The following ZCCHC17 variants were observed in gnomAD, a reference collection of about 807,000 sequenced individuals.
The protein encoded by ZCCHC17 is zinc finger CCHC domain-containing protein 17.
ZCCHC17 carries 18 observed loss-of-function variants against 30.6 expected under a neutral mutation model. The observed-to-expected ratio is 0.59, with a 90% CI of 0.41 to 0.87. The LOEUF (loss-of-function observed/expected upper bound fraction) is 0.87, where lower values mean the gene tolerates loss of function less well. Ranked by LOEUF, ZCCHC17 falls within the 40% of genes least tolerant of loss-of-function variation. The pLI is 0.00. For missense variants in ZCCHC17, 263 were observed against 284.2 expected, an observed-to-expected ratio of 0.93 and a Z score of 0.54; for synonymous variants, 88 against 92.4, an observed-to-expected ratio of 0.95 and a Z score of 0.27.
chr1:31,327,181 C>G (rs1168087945), intron 3 of ZCCHC17, among the ~76,000 whole-genome samples: 1 of 152,192 alleles, frequency 6.6e-6, no homozygotes, highest in Non-Finnish European at 1.5e-5. Context: ...CTCTGGACAC[C>G]AACTGGGTGT....
chr1:31,346,165 A>G (rs1385837067), intron 5 of ZCCHC17, among the ~76,000 whole-genome samples: 1 of 152,138 alleles, frequency 6.6e-6, no homozygotes, highest in African/African-American at 2.4e-5. Context: ...CATTTCAGAG[A>G]GGGGGAGAAC....
chr1:31,355,132 G>A (rs1007124803), intron 7 of ZCCHC17, among the ~76,000 whole-genome samples: 5 of 149,774 alleles, frequency 3.3e-5, no homozygotes, highest in Admixed American at 6.7e-5. Context: ...CCGAGATTGC[G>A]CCACTGCACT....
intron 3 of ZCCHC17, among the ~76,000 whole-genome samples, chr1:31,328,412 C>T (rs1638444036): frequency 6.6e-6 from 1 of 151,794 alleles, no homozygotes; most frequent in African/African-American, 2.4e-5. Flanking sequence ...CTTGAGGGGG[C>T]TGAGGGGGTT....
At chr1:31,353,130 GA>G (rs1190298363) in intron 7 of ZCCHC17, among the ~76,000 whole-genome samples, 1 of 152,086 alleles carries the variant, frequency 6.6e-6, no homozygotes, top group African/African-American at 2.4e-5. Context: ...TAGTGATATT[GA>G]ATATCTTTTC....
intron 7 of ZCCHC17, among the ~76,000 whole-genome samples, chr1:31,352,793 G>T (rs185578923): frequency 7.7e-4 from 117 of 152,302 alleles, no homozygotes; most frequent in African/African-American, 2.7e-3. Flanking sequence ...TATTTTTGGT[G>T]AACACTTGGG....
chr1:31,342,977 A>G (rs557116712), intron 5 of ZCCHC17, among the ~76,000 whole-genome samples: 1 of 152,346 alleles, frequency 6.6e-6, no homozygotes, highest in Non-Finnish European at 1.5e-5. Context: ...TTGTTTAAGG[A>G]AAGAAGAGGA....
chr1:31,306,947 C>T (rs376613770), intron 1 of ZCCHC17, among the ~76,000 whole-genome samples: 1 of 152,166 alleles, frequency 6.6e-6, no homozygotes, highest in Non-Finnish European at 1.5e-5. Context: ...AAGCAATTCT[C>T]CTGCCTCAGC....
chr1:31,313,775 A>G (rs1300065524), intron 2 of ZCCHC17, among the ~76,000 whole-genome samples: 1 of 152,162 alleles, frequency 6.6e-6, no homozygotes, highest in Non-Finnish European at 1.5e-5. Flanking sequence ...AAAGAAAGGG[A>G]AGAACACTCT....
chr1:31,320,299 C>G (rs1054483503), intron 3 of ZCCHC17, among the ~76,000 whole-genome samples: 1 of 152,196 alleles, frequency 6.6e-6, no homozygotes, highest in African/African-American at 2.4e-5. Context: ...ATTTATATAA[C>G]ATTCTTATGT....
At chr1:31,362,773 G>T (rs982465564) in intron 7 of ZCCHC17, among the ~76,000 whole-genome samples, 1 of 152,156 alleles carries the variant, frequency 6.6e-6, no homozygotes, top group Non-Finnish European at 1.5e-5. Flanking sequence ...ACTGTTTCTA[G>T]ATAGACTGGC....
At chr1:31,336,192 C>A (rs1382265791) in intron 3 of ZCCHC17, among the ~76,000 whole-genome samples, 1 of 152,130 alleles carries the variant, frequency 6.6e-6, no homozygotes, top group Non-Finnish European at 1.5e-5. Flanking sequence ...CCCACCTCAG[C>A]CTCTTGAGTA....
Position 31,309,216 on chromosome 1 carries a change from C to T in ZCCHC17, c.-55-828C>T, listed in dbSNP as rs555595559. On this transcript the variant is annotated intron_variant, in intron 1 of 7. Transcript: ENST00000344147. ...AGTCAGCCAGTTTGACTCCCCATTTCCTGGCTTTTTGACATGCTTAGTAAT... is the reference window on the plus strand; with the variant it reads ...AGTCAGCCAGTTTGACTCCCCATTTTCTGGCTTTTTGACATGCTTAGTAAT... Among the ~76,000 whole-genome samples the T allele has an allele frequency of 5.3e-5, 8 of 152,274 alleles. No individual in the cohort carries two copies. In the South Asian group the frequency reaches 1.7e-3, roughly 32 times the overall value.
intron 1 of ZCCHC17, among the ~76,000 whole-genome samples, chr1:31,304,528 C>T (rs980435323): frequency 1.3e-5 from 2 of 152,036 alleles, no homozygotes; most frequent in Non-Finnish European, 2.9e-5. Context: ...TAGTGATCCA[C>T]CCGCCATGGC....
intron 3 of ZCCHC17, among the ~76,000 whole-genome samples, chr1:31,320,375 C>A (rs941231825): frequency 1.3e-5 from 2 of 152,182 alleles, no homozygotes; most frequent in African/African-American, 2.4e-5. Context: ...TCAGTGGTTT[C>A]TTTGGTATAT....
In ZCCHC17 at chr1:31,297,063, G is replaced by T; in HGVS notation, c.-68G>T. ...TTCAGCGCAGCGACTCGGGGACCTG[G>T]AGCTGACGCCTAGTACGTATGAGGA... is the stretch of plus-strand genomic sequence containing the variant. On this transcript the variant is annotated 5_prime_UTR_variant, in exon 1 of 8. Transcript: ENST00000344147. The T allele has an allele frequency of 2.3e-6, 1 of 444,126 alleles. No individual in the cohort carries two copies. Among genetic ancestry groups the T allele is most frequent in the Non-Finnish European group, 4.0e-6 (1 of 250,616 alleles). 27.5% of individuals were successfully genotyped at this position (444,126 alleles called of 1,614,324 possible).
chr1:31,314,958 C>T (rs771906545), intron 2 of ZCCHC17, among the ~76,000 whole-genome samples: 22 of 152,184 alleles, frequency 1.4e-4, no homozygotes, highest in Non-Finnish European at 2.8e-4. Context: ...TGAGCCACCG[C>T]ACCCAGCCAA....
chr1:31,346,642 A>G lies in ZCCHC17; in HGVS notation c.320A>G (p.Gln107Arg), dbSNP rs1639284608. 2.5e-6 allele frequency: 4 copies of G among 1,608,070 alleles called. No homozygotes were observed. Among genetic ancestry groups the G allele is most frequent in the African/African-American group, 1.3e-5 (1 of 74,776 alleles). Residue 107 changes from glutamine to arginine, a missense_variant and splice_region_variant, in exon 6 of 8, where the codon CAA becomes CGA. By Grantham distance (43) the Gln-to-Arg change is conservative. Transcript: ENST00000344147. ...AGTCGGTATCTTTTTCATTATAGGCAAGAAGAGAGGCGGAGGCGATCCTTC... is the reference window on the plus strand; with the variant it reads ...AGTCGGTATCTTTTTCATTATAGGCGAGAAGAGAGGCGGAGGCGATCCTTC... ...DLDPNNVIIE[Q>R]EERRRRSFQD...
chr1:31,333,934 G>A (rs919970192), intron 3 of ZCCHC17, among the ~76,000 whole-genome samples: 3 of 152,172 alleles, frequency 2.0e-5, no homozygotes, highest in African/African-American at 7.2e-5. Context: ...ACCAGTAGAG[G>A]ACAGTTGCAG....
intron 1 of ZCCHC17, among the ~76,000 whole-genome samples, chr1:31,302,315 G>A (rs571184317): frequency 5.3e-5 from 8 of 152,132 alleles, no homozygotes; most frequent in South Asian, 4.2e-4. Flanking sequence ...ATATCCTTTA[G>A]ACCAGAATGT....
Sources: allele counts gnomAD v4.1 joint callset (sites outside exome capture counted in the v4.1 genomes callset), GRCh38; gene constraint gnomAD v4.1.1; transcripts MANE v1.5; gene names NCBI Gene and HGNC (gene_info 2026-07-23, HGNC 2026-07-21).